Variants in UNC13C observed in about 807,000 individuals in gnomAD.
UNC13C encodes protein unc-13 homolog C.
UNC13C carries 174 observed loss-of-function variants against 245.4 expected under a neutral mutation model. That is an observed-to-expected ratio of 0.71 (90% CI 0.63 to 0.80). The LOEUF (loss-of-function observed/expected upper bound fraction) is 0.80. Ranked by LOEUF, UNC13C falls within the 30% of genes least tolerant of loss-of-function variation. UNC13C has a pLI of 0.00. For synonymous variants in UNC13C, 992 were observed against 895.1 expected (o/e 1.11, Z -1.93); for missense variants, 2,829 against 2,602.9 (o/e 1.09, Z -1.89).
Position 54,623,791 on chromosome 15 carries a change from T to TTA in UNC13C, c.6200-3_6200-2dup. 6.2e-7 allele frequency: 1 copy of TTA among 1,607,838 alleles called. No homozygotes were observed. Among genetic ancestry groups the TTA allele is most frequent in the Non-Finnish European group, 8.5e-7 (1 of 1,177,320 alleles). Reference sequence around the variant, plus strand: ...GCTAAAATGTGATATTTCCTTTTTTTTAGTGATTGCTATTAATGACCTAAA... The same window carrying TTA: ...GCTAAAATGTGATATTTCCTTTTTTTTATAGTGATTGCTATTAATGACCTAAA... On this transcript the variant is annotated splice_polypyrimidine_tract_variant and splice_region_variant and intron_variant, in intron 31 of 32. Coordinates refer to ENST00000260323, the MANE Select transcript of UNC13C (RefSeq NM_001080534.3).
At chr15:54,409,549 G>A (rs1457947792) in intron 18 of UNC13C, among the ~76,000 whole-genome samples, 1 of 152,058 alleles carries the variant, frequency 6.6e-6, no homozygotes, top group African/African-American at 2.4e-5. Context: ...CCCTCAAGGA[G>A]GTCCCAATGT....
intron 12 of UNC13C, among the ~76,000 whole-genome samples, chr15:54,298,740 G>A (rs983736528): frequency 6.6e-6 from 1 of 152,058 alleles, no homozygotes; most frequent in Non-Finnish European, 1.5e-5. Flanking sequence ...GAGGTGTCAC[G>A]GGAGACTTTC....
intron 10 of UNC13C, 51 bp from the exon 11 acceptor site, chr15:54,293,844 G>T: frequency 7.1e-7 from 1 of 1,410,432 alleles, no homozygotes; most frequent in Non-Finnish European, 9.4e-7. Flanking sequence ...ACATCAAATG[G>T]AATTTAGAGC....
intron 4 of UNC13C, among the ~76,000 whole-genome samples, chr15:54,213,565 A>C (rs1487565622): frequency 6.6e-6 from 1 of 152,066 alleles, no homozygotes; most frequent in Non-Finnish European, 1.5e-5. Flanking sequence ...TCATTTGCAC[A>C]ATCCTGGGAA....
chr15:54,145,609 T>C (rs1309044206), intron 4 of UNC13C, among the ~76,000 whole-genome samples: 4 of 152,212 alleles, frequency 2.6e-5, no homozygotes, highest in Non-Finnish European at 4.4e-5. Flanking sequence ...TGTCTTTAAG[T>C]TGACCAGCAA....
intron 2 of UNC13C, among the ~76,000 whole-genome samples, chr15:54,096,138 G>A (rs1258568861): frequency 1.3e-5 from 2 of 152,170 alleles, no homozygotes; most frequent in Non-Finnish European, 2.9e-5. Flanking sequence ...AATGAAATGA[G>A]GGGGTCACTT....
intron 17 of UNC13C, among the ~76,000 whole-genome samples, chr15:54,378,853 C>G (rs1219846591): frequency 6.6e-6 from 1 of 151,932 alleles, no homozygotes; most frequent in Non-Finnish European, 1.5e-5. Context: ...TAACTATGTA[C>G]AGTCTATTCA....
intron 2 of UNC13C, among the ~76,000 whole-genome samples, chr15:54,078,331 T>G (rs1202686838): frequency 6.6e-6 from 1 of 152,232 alleles, no homozygotes; most frequent in Non-Finnish European, 1.5e-5. Flanking sequence ...TAGAATGATT[T>G]ATTTTCCTTT....
intron 19 of UNC13C, among the ~76,000 whole-genome samples, chr15:54,457,905 T>TC (rs1555467871): frequency 6.8e-6 from 1 of 146,158 alleles, no homozygotes; most frequent in East Asian, 2.0e-4. Flanking sequence ...TTTTTTTTTT[T>TC]CCTTTTTTTT....
chr15:54,525,816 T>TA (rs1358291269), intron 25 of UNC13C, among the ~76,000 whole-genome samples, 179 bp downstream of exon 25: 1 of 152,216 alleles, frequency 6.6e-6, no homozygotes, highest in Non-Finnish European at 1.5e-5. Flanking sequence ...GCTATCTTGC[T>TA]ATGCACTCCC....
chr15:54,430,451 GT>G, intron 19 of UNC13C, among the ~76,000 whole-genome samples: 1 of 151,510 alleles, frequency 6.6e-6, no homozygotes, highest in Admixed American at 6.6e-5. Flanking sequence ...TCATTTATAT[GT>G]TTGGATTTTT....
chr15:53,885,838 G>A, the UNC13C span, among the ~76,000 whole-genome samples: 1 of 152,274 alleles, frequency 6.6e-6, no homozygotes, highest in East Asian at 1.9e-4. Flanking sequence ...CCAGTGGAGT[G>A]TGCAATACCA....
At chr15:53,867,834 AT>A in the UNC13C span, among the ~76,000 whole-genome samples, 2 of 151,876 alleles carry the variant, frequency 1.3e-5, no homozygotes, top group African/African-American at 4.8e-5. Context: ...ATTTTGTTTT[AT>A]TTTTTAATTT....
At position 54,121,883 on chromosome 15, in the gene UNC13C, A is replaced by G. The variant is rs569667348; in HGVS notation, c.2984-21135A>G. Among the ~76,000 whole-genome samples the G allele has an allele frequency of 8.5e-5, 13 of 152,176 alleles. No homozygotes were observed. The South Asian group carries it at 2.7e-3, about 32-fold the overall frequency. Reference sequence around the variant, plus strand: ...CTTTTGTCAGATTTATCTTATGGACATAATATAATCATTATGTTATTGTGA... The same window carrying G: ...CTTTTGTCAGATTTATCTTATGGACGTAATATAATCATTATGTTATTGTGA... On this transcript the variant is annotated intron_variant, in intron 2 of 32. Transcript: ENST00000260323.
At chr15:54,023,266 G>T (rs1339652234) in intron 2 of UNC13C, among the ~76,000 whole-genome samples, 1 of 152,122 alleles carries the variant, frequency 6.6e-6, no homozygotes, top group African/African-American at 2.4e-5. Context: ...ATTGTGCCTT[G>T]CCCAGAATCC....
intron 27 of UNC13C, among the ~76,000 whole-genome samples, chr15:54,548,511 C>T (rs1896594055): frequency 6.6e-6 from 1 of 152,006 alleles, no homozygotes; most frequent in Admixed American, 6.6e-5. Context: ...CAAGCCATAT[C>T]CCAAAGTAGC....
chr15:54,294,747 C>T (rs879802513), intron 11 of UNC13C, among the ~76,000 whole-genome samples: 1 of 152,124 alleles, frequency 6.6e-6, no homozygotes, highest in Non-Finnish European at 1.5e-5. Context: ...ATGTCTTAAT[C>T]ATATCCTATA....
chr15:54,597,338 A>G (rs1327916113), intron 30 of UNC13C, among the ~76,000 whole-genome samples: 1 of 152,196 alleles, frequency 6.6e-6, no homozygotes, highest in Admixed American at 6.5e-5. Flanking sequence ...GCCAGCGAAG[A>G]ATCCTACCAG....
intron 4 of UNC13C, 115 bp downstream of exon 4, chr15:54,143,799 C>A: frequency 1.6e-6 from 1 of 642,288 alleles, no homozygotes; most frequent in Non-Finnish European, 2.6e-6. Flanking sequence ...CTCATTGTTA[C>A]TTCATTTTAC....
Sources: gnomAD v4.1 joint callset for allele counts (sites outside exome capture counted in the v4.1 genomes callset) on GRCh38, gnomAD v4.1.1 for gene constraint, MANE v1.5 for transcripts, NCBI Gene and HGNC (gene_info 2026-07-23, HGNC 2026-07-21) for gene names.